The following TMEM108 variants were observed in gnomAD, a reference collection of about 807,000 sequenced individuals.
The protein encoded by TMEM108 is cancer/testis antigen 124.
Under a neutral mutation model 35.1 loss-of-function variants are expected in TMEM108, and 12 were observed. The ratio of observed to expected loss-of-function variants is 0.34; its 90% confidence interval spans 0.22 to 0.55. The LOEUF is 0.55. Ranked by LOEUF, TMEM108 falls within the 20% of genes least tolerant of loss-of-function variation. The pLI, the probability that TMEM108 is intolerant of heterozygous loss-of-function variation, is 0.89. For missense variants in TMEM108, 680 were observed against 753.3 expected, an observed-to-expected ratio of 0.90 and a Z score of 1.14; for synonymous variants, 287 against 308.6, an observed-to-expected ratio of 0.93 and a Z score of 0.73.
intron 2 of TMEM108, among the ~76,000 whole-genome samples, chr3:133,054,804 C>T (rs1362029694): frequency 6.6e-6 from 1 of 152,198 alleles, no homozygotes; most frequent in Non-Finnish European, 1.5e-5. Flanking sequence ...GCACAAACAG[C>T]CCGTCATTTC....
intron 3 of TMEM108, among the ~76,000 whole-genome samples, chr3:133,365,780 G>T (rs751911574): frequency 6.6e-6 from 1 of 152,172 alleles, no homozygotes; most frequent in East Asian, 1.9e-4. Context: ...TGGAATGGGG[G>T]CCAGACCAAA....
chr3:133,355,022 GAT>G (rs1431219223), intron 3 of TMEM108, among the ~76,000 whole-genome samples: 4 of 152,154 alleles, frequency 2.6e-5, no homozygotes, highest in Non-Finnish European at 5.9e-5. Context: ...CAAGTGTAAA[GAT>G]ACAGTTTTGT....
intron 2 of TMEM108, among the ~76,000 whole-genome samples, chr3:133,107,455 G>GGTGTGTGTGTGTGTGT (rs59305794): frequency 7.0e-5 from 10 of 143,502 alleles, no homozygotes; most frequent in South Asian, 2.3e-4. Context: ...AAGTGTATGT[G>GGTGTGTGTGTGTGTGT]GTGTGTGTGT....
In TMEM108 at chr3:133,346,765, A is replaced by G. The variant is rs920102381; in HGVS notation, c.41-32987A>G. Among the ~76,000 whole-genome samples the G allele has an allele frequency of 3.9e-5, 6 of 152,124 alleles. No individual in the cohort carries two copies. Among genetic ancestry groups the G allele is most frequent in the Middle Eastern group, 3.4e-3 (1 of 294 alleles). ...TCCTATGTTATCTTCTACAAGTTCT[A>G]TAGTTTTGCATTTTACATTTAGGTC... On this transcript the variant is annotated intron_variant, in intron 3 of 5. Transcript: ENST00000321871. This position sits in a 1 kb window ranked among gnomAD's most constrained non-coding sequence, Gnocchi z 4.0.
intron 2 of TMEM108, among the ~76,000 whole-genome samples, chr3:133,176,214 A>G (rs970313777): frequency 2.6e-5 from 4 of 152,154 alleles, no homozygotes; most frequent in Admixed American, 6.5e-5. Flanking sequence ...CTCCCACACA[A>G]TAATAATGGG....
chr3:133,169,376 T>C (rs1344544769), intron 2 of TMEM108, among the ~76,000 whole-genome samples: 1 of 152,166 alleles, frequency 6.6e-6, no homozygotes, highest in Non-Finnish European at 1.5e-5. Context: ...GTAATTATTG[T>C]AAACAAAATC....
intron 4 of TMEM108, among the ~76,000 whole-genome samples, chr3:133,389,943 C>T (rs2073210006): frequency 6.8e-6 from 1 of 146,768 alleles, no homozygotes; most frequent in African/African-American, 2.6e-5. Context: ...GATGATAGTA[C>T]CAGAAAAGCT....
chr3:133,094,834 C>T (rs1943993421), intron 2 of TMEM108, among the ~76,000 whole-genome samples: 1 of 151,830 alleles, frequency 6.6e-6, no homozygotes, highest in African/African-American at 2.4e-5. Context: ...TTTTTTAATT[C>T]AGGGTATTTA....
At chr3:133,336,808 G>A (rs1368259640) in intron 3 of TMEM108, among the ~76,000 whole-genome samples, 3 of 152,078 alleles carry the variant, frequency 2.0e-5, no homozygotes, top group Non-Finnish European at 2.9e-5. Context: ...GGGCCAGAGG[G>A]GAGCCCACTG....
chr3:133,201,663 T>C (rs757672737), intron 2 of TMEM108, among the ~76,000 whole-genome samples: 4 of 152,204 alleles, frequency 2.6e-5, no homozygotes, highest in Non-Finnish European at 4.4e-5. Flanking sequence ...GTATTCCATG[T>C]TGTATATGTG....
At chr3:133,038,714 G>T (rs1425197165) in intron 1 of TMEM108, among the ~76,000 whole-genome samples, 1 of 152,212 alleles carries the variant, frequency 6.6e-6, no homozygotes, top group Non-Finnish European at 1.5e-5. Context: ...TTGCTGGCAT[G>T]AACCCCCTCC....
chr3:133,341,023 C>T (rs886325137), intron 3 of TMEM108, among the ~76,000 whole-genome samples: 2 of 151,704 alleles, frequency 1.3e-5, no homozygotes, highest in Non-Finnish European at 3.0e-5. Flanking sequence ...TGCCCACTTC[C>T]ACATTGTTAT....
At chr3:133,047,589 C>T (rs1359842342) in intron 2 of TMEM108, among the ~76,000 whole-genome samples, 1 of 152,032 alleles carries the variant, frequency 6.6e-6, no homozygotes, top group Non-Finnish European at 1.5e-5. Context: ...TGTCTTTGAC[C>T]TCCACCCACG....
At chr3:133,069,607 A>G (rs148553750) in intron 2 of TMEM108, among the ~76,000 whole-genome samples, 157 of 152,254 alleles carry the variant, frequency 1.0e-3, no homozygotes, top group Non-Finnish European at 2.0e-3. Flanking sequence ...TTGATCCTTT[A>G]TTTAATACCC....
At chr3:133,344,800 G>GTACTATACTTTGTATTACATAT (rs1360634782) in intron 3 of TMEM108, among the ~76,000 whole-genome samples, 3 of 151,624 alleles carry the variant, frequency 2.0e-5, no homozygotes, top group African/African-American at 7.3e-5. Flanking sequence ...GCTACACTTT[G>GTACTATACTTTGTATTACATAT]TACTATACTT....
intron 3 of TMEM108, among the ~76,000 whole-genome samples, chr3:133,299,265 A>G (rs1335633013): frequency 6.6e-6 from 1 of 152,200 alleles, no homozygotes; most frequent in African/African-American, 2.4e-5. Flanking sequence ...TTCAGTAGGG[A>G]AATAAAAACA....
intron 2 of TMEM108, among the ~76,000 whole-genome samples, chr3:133,178,075 G>A (rs373382981): frequency 0.012 from 1,845 of 152,012 alleles, 13 homozygotes; most frequent in Middle Eastern, 0.054. Context: ...TGCTTCAAAG[G>A]GAATAAAATA....
At chr3:133,387,137 G>C in intron 4 of TMEM108, 2 of 985,428 alleles carry the variant, frequency 2.0e-6, no homozygotes, top group African/African-American at 1.7e-5. Flanking sequence ...TTTCTTTCTA[G>C]ATCTCTCTTG....
At chr3:133,178,471 A>T (rs551593666) in intron 2 of TMEM108, among the ~76,000 whole-genome samples, 5 of 151,408 alleles carry the variant, frequency 3.3e-5, no homozygotes, top group Non-Finnish European at 5.9e-5. Context: ...ATATAGACCA[A>T]TGGAACAGAA....
Sources: allele counts gnomAD v4.1 joint callset (sites outside exome capture counted in the v4.1 genomes callset), GRCh38; gene constraint gnomAD v4.1.1; non-coding constraint Gnocchi (gnomAD v3.1); transcripts MANE v1.5; gene names NCBI Gene and HGNC (gene_info 2026-07-23, HGNC 2026-07-21).